Variants in GARRE1 observed in about 807,000 individuals in gnomAD.
The protein encoded by GARRE1 is granule associated Rac and RHOG effector 1.
In GARRE1, 49 loss-of-function variants were observed where a neutral mutation model predicts 103.2. The ratio of observed to expected loss-of-function variants is 0.47; its 90% CI spans 0.38 to 0.60. The LOEUF (loss-of-function observed/expected upper bound fraction) is 0.60, where lower values mean the gene tolerates loss of function less well. GARRE1 is among the 20% of genes least tolerant of loss of function. The pLI is 0.00. For missense variants in GARRE1, 1,199 were observed against 1,370.5 expected (o/e 0.87, Z 1.98); for synonymous variants, 505 against 532.8 (o/e 0.95, Z 0.72).
At chr19:34,339,027 A>T (rs765289029) in intron 8 of GARRE1, among the ~76,000 whole-genome samples, 5 of 152,156 alleles carry the variant, frequency 3.3e-5, no homozygotes, top group Admixed American at 6.5e-5. Context: ...TTATAAGAAG[A>T]GCTGTCAGGA....
intron 10 of GARRE1, among the ~76,000 whole-genome samples, chr19:34,344,434 CA>C (rs1402503059): frequency 1.3e-5 from 2 of 151,434 alleles, no homozygotes; most frequent in African/African-American, 2.4e-5. Context: ...ACTAAAAATA[CA>C]AAAAAATTAG....
intron 2 of GARRE1, among the ~76,000 whole-genome samples, chr19:34,306,539 C>T (rs1203759277): frequency 1.3e-5 from 2 of 152,182 alleles, no homozygotes; most frequent in Non-Finnish European, 2.9e-5. Flanking sequence ...CCAGTCTATA[C>T]TCACCAGTGA....
chr19:34,267,859 T>G lies in GARRE1; in HGVS notation c.-796+13245T>G, dbSNP rs571898468. 2.6e-4 allele frequency among the ~76,000 whole-genome samples: 40 copies of G among 151,482 alleles called. No individual in the cohort carries two copies. The South Asian group carries it at 8.0e-3, about 30-fold the overall frequency. On this transcript the variant is annotated intron_variant, in intron 1 of 13. Coordinates refer to ENST00000299505, the MANE Select transcript of GARRE1 (RefSeq NM_014686.5). The stretch of plus-strand genomic sequence containing the variant: ...GGTAATCTTGGCTCACTGCAACCCC[T>G]GCCTCCCAGGTTCAAGCAATTCTCC...
chr19:34,334,751 CAAAGT>C (rs2074153254), intron 8 of GARRE1, among the ~76,000 whole-genome samples: 1 of 146,438 alleles, frequency 6.8e-6, no homozygotes, highest in Admixed American at 6.8e-5. Context: ...AAATCAGAGA[CAAAGT>C]AAAGAAACCA....
intron 1 of GARRE1, among the ~76,000 whole-genome samples, chr19:34,263,265 G>GAGAT (rs147778168): frequency 0.44 from 65,274 of 149,436 alleles, 15,095 homozygotes; most frequent in Non-Finnish European, 0.51. Flanking sequence ...TCTCGATAGA[G>GAGAT]AGATAGATAG....
intron 1 of GARRE1, among the ~76,000 whole-genome samples, chr19:34,284,195 A>G (rs2073873104): frequency 1.4e-5 from 2 of 138,262 alleles, no homozygotes; most frequent in East Asian, 2.0e-4. Context: ...CGGTGGTGCA[A>G]TCTCGGCTTA....
At chr19:34,347,525 C>T (rs919360321) in intron 10 of GARRE1, among the ~76,000 whole-genome samples, 1 of 152,230 alleles carries the variant, frequency 6.6e-6, no homozygotes, top group Non-Finnish European at 1.5e-5. Flanking sequence ...CTGTGCCTGG[C>T]TGATGCTGGA....
chr19:34,271,951 C>T (rs1203665784), intron 1 of GARRE1, among the ~76,000 whole-genome samples: 1 of 152,092 alleles, frequency 6.6e-6, no homozygotes, highest in African/African-American at 2.4e-5. Flanking sequence ...CTCTGGAAGT[C>T]AATTTCCTTG....
At chr19:34,260,037 C>G (rs1310154668) in intron 1 of GARRE1, among the ~76,000 whole-genome samples, 1 of 152,244 alleles carries the variant, frequency 6.6e-6, no homozygotes, top group East Asian at 1.9e-4. Context: ...AATTAAGCCT[C>G]TTTCCTTTAT....
intron 2 of GARRE1, among the ~76,000 whole-genome samples, chr19:34,307,801 A>AAT (rs1555783160): frequency 7.1e-5 from 9 of 126,642 alleles, no homozygotes; most frequent in Non-Finnish European, 1.5e-4. Context: ...ATAAAAAAAA[A>AAT]ATATATATAT....
At chr19:34,346,503 G>T (rs1329530157) in intron 10 of GARRE1, among the ~76,000 whole-genome samples, 4 of 151,984 alleles carry the variant, frequency 2.6e-5, no homozygotes, top group African/African-American at 9.7e-5. Flanking sequence ...CCTCTATCTG[G>T]CTGACCCCAA....
rs146390618 is a variant in GARRE1 at position 34,323,754 on chromosome 19, C to T, written c.705+3638C>T. Among the ~76,000 whole-genome samples, 330 of 152,300 alleles carry T rather than the reference C, an allele frequency of 2.2e-3. 17 individuals are homozygous for T. Among genetic ancestry groups the T allele is most frequent in the Admixed American group, 0.021 (319 of 15,300 alleles). On this transcript the variant is annotated intron_variant, in intron 3 of 13. Coordinates refer to ENST00000299505, the MANE Select transcript of GARRE1 (RefSeq NM_014686.5). Reference sequence around the variant, plus strand: ...ACCTAACACCTGCCTTGGTCCCCTGCTCCATCTTCTAGACAACTCATGCTG... The same window carrying T: ...ACCTAACACCTGCCTTGGTCCCCTGTTCCATCTTCTAGACAACTCATGCTG...
chr19:34,301,406 C>T (rs574982914), intron 2 of GARRE1, among the ~76,000 whole-genome samples: 55 of 150,958 alleles, frequency 3.6e-4, no homozygotes, highest in Non-Finnish European at 6.6e-4. Context: ...CTCCAGAAGC[C>T]CAGAAGCTGA....
intron 11 of GARRE1, chr19:34,348,318 C>T: frequency 3.4e-6 from 1 of 295,986 alleles, no homozygotes; most frequent in East Asian, 5.5e-5. Context: ...AAGGCTCTTA[C>T]ATGATGGTGC....
chr19:34,258,758 C>G (rs1385480118), intron 1 of GARRE1, among the ~76,000 whole-genome samples: 1 of 151,740 alleles, frequency 6.6e-6, no homozygotes, highest in Non-Finnish European at 1.5e-5. Flanking sequence ...CCACTGCACT[C>G]CAGCCTGGGC....
Position 34,292,117 on chromosome 19 carries a change from C to T in GARRE1, c.-795-7562C>T, listed in dbSNP as rs143819949. On this transcript the variant is annotated intron_variant, in intron 1 of 13. Coordinates refer to ENST00000299505, the MANE Select transcript of GARRE1 (RefSeq NM_014686.5). ...CCTCAAGTGATCTGCCCCCCTTGGC[C>T]TCCCAAAGTGTTGGGATTACAGGCG... is the stretch of plus-strand genomic sequence containing the variant. 3.6e-3 allele frequency among the ~76,000 whole-genome samples: 556 copies of T among 152,334 alleles called. 3 individuals carry two copies. Among genetic ancestry groups the T allele is most frequent in the African/African-American group, 0.013 (535 of 41,574 alleles).
chr19:34,311,947 GT>G, intron 2 of GARRE1, among the ~76,000 whole-genome samples: 1 of 151,694 alleles, frequency 6.6e-6, no homozygotes, highest in East Asian at 1.9e-4. Flanking sequence ...TTGGTTTTGG[GT>G]TTGATTTTTT....
In GARRE1 at chr19:34,262,287, CTTTT is replaced by C. The variant is rs1018456778; in HGVS notation, c.-796+7698_-796+7701del. The stretch of plus-strand genomic sequence containing the variant: ...AGTGAGCCACCATGCCCAGCTGCTG[CTTTT>C]TTTTTTTTTTTTTTTTTTTTTTTTG... On this transcript the variant is annotated intron_variant, in intron 1 of 13. Transcript: ENST00000299505. Among the ~76,000 whole-genome samples, 299 of 35,704 alleles carry C rather than the reference CTTTT, an allele frequency of 8.4e-3. 2 individuals carry two copies. Among genetic ancestry groups the C allele is most frequent in the Non-Finnish European group, 0.013 (244 of 18,126 alleles). 23.4% of individuals were successfully genotyped at this position (35,704 alleles called of 152,430 possible).
intron 1 of GARRE1, among the ~76,000 whole-genome samples, chr19:34,274,556 T>A (rs1338901152): frequency 6.6e-6 from 1 of 152,122 alleles, no homozygotes; most frequent in African/African-American, 2.4e-5. Context: ...CTTGGAAGAT[T>A]TGGTTTTGGA....
Sources: allele counts gnomAD v4.1 joint callset (sites outside exome capture counted in the v4.1 genomes callset), GRCh38; gene constraint gnomAD v4.1.1; transcripts MANE v1.5; gene names NCBI Gene and HGNC (gene_info 2026-07-23, HGNC 2026-07-21).